Variants in IL18BP observed in about 807,000 individuals in gnomAD.
IL18BP encodes the protein interleukin 18 binding protein.
A neutral mutation model predicts 19.9 loss-of-function variants in IL18BP; 23 were observed. That is an observed-to-expected ratio of 1.15 (90% confidence interval 0.83 to 1.64). IL18BP has a LOEUF of 1.64. Ranked by LOEUF, IL18BP falls within the 40% of genes most tolerant of loss-of-function variation. The pLI is 0.00. For missense variants in IL18BP, 239 were observed against 240.7 expected, an observed-to-expected ratio of 0.99 and a Z score of 0.05; for synonymous variants, 107 against 101.0, an observed-to-expected ratio of 1.06 and a Z score of -0.35.
downstream of IL18BP, chr11:72,002,912 G>A (rs779520414): frequency 1.7e-5 from 4 of 230,794 alleles, no homozygotes; most frequent in Admixed American, 5.7e-5. Flanking sequence ...ATTTAGAAAA[G>A]ATCCATCCCC....
chr11:72,003,867 C>A (rs767293287), downstream of IL18BP: 3 of 1,612,110 alleles, frequency 1.9e-6, no homozygotes, highest in South Asian at 1.1e-5. Flanking sequence ...TTCCCTCCCC[C>A]ATCCTGCCAG....
downstream of IL18BP, chr11:72,005,355 A>G: frequency 6.2e-7 from 1 of 1,608,062 alleles, no homozygotes; most frequent in Non-Finnish European, 8.5e-7. Context: ...GTGCCCATGT[A>G]GAAGCTGTTC....
intron 5 of IL18BP, 59 bp from the exon 6 acceptor site, chr11:72,001,723 CAA>C: frequency 6.2e-7 from 1 of 1,613,080 alleles, no homozygotes; most frequent in Non-Finnish European, 8.5e-7. Context: ...TAGCCTGGGG[CAA>C]AGTGATGAGA....
At chr11:72,001,618 GGGT>G in intron 5 of IL18BP, 66 bp downstream of exon 5, 1 of 1,589,668 alleles carries the variant, frequency 6.3e-7, no homozygotes, top group African/African-American at 1.3e-5. Context: ...GGGGAGGAAA[GGGT>G]GGGCTCTGCC....
At chr11:72,004,955 GCCTCCTTT>G (rs1375872620), downstream of IL18BP, 8 of 903,710 alleles carry the variant, frequency 8.9e-6, no homozygotes, top group Non-Finnish European at 1.3e-5. Context: ...AAGACACAAG[GCCTCCTTT>G]CCTGTTCTGC....
At chr11:72,006,075 A>C, downstream of IL18BP, 1 of 1,613,962 alleles carries the variant, frequency 6.2e-7, no homozygotes, top group Non-Finnish European at 8.5e-7. Context: ...GGGAACGACG[A>C]GCAGAACTGC....
chr11:72,000,916 C>T lies in IL18BP; in HGVS notation c.236-285C>T, dbSNP rs536127878. On this transcript the variant is annotated intron_variant, in intron 3 of 5. Coordinates refer to ENST00000393703, the MANE Select transcript of IL18BP (RefSeq NM_001039660.2). Reference sequence around the variant, plus strand: ...GCCTTTGTCACCTGGGCTCCCAAGTCACCGAGGCTGGGCACTAGAAAAGGT... The same window carrying T: ...GCCTTTGTCACCTGGGCTCCCAAGTTACCGAGGCTGGGCACTAGAAAAGGT... 4.7e-4 allele frequency among the ~76,000 whole-genome samples: 72 copies of T among 152,316 alleles called. 1 individual carries two copies. The highest frequency in any genetic ancestry group is 2.4e-4 in the Non-Finnish European group (16 of 68,020).
chr11:72,000,004 G>A lies in IL18BP; in HGVS notation c.20G>A (p.Trp7Ter). The change falls in exon 2 of 6, where the codon TGG (tryptophan) becomes TAG (stop). Residue 7 changes from tryptophan to a stop codon, truncating the protein, a stop_gained. Transcript: ENST00000393703. LOFTEE classifies it high-confidence loss of function. The part of the protein sequence containing the change: MTMRHN[W>*]TPDLSPLWVL... ...TGCATCATGACCATGAGACACAACT[G>A]GACACCAGGTAGGCCTTGGGGCTAC... 1 of 1,613,924 alleles carries A rather than the reference G, an allele frequency of 6.2e-7. No homozygotes were observed. The highest frequency in any genetic ancestry group is 8.5e-7 in the Non-Finnish European group (1 of 1,179,822).
chr11:72,007,680 C>T, downstream of IL18BP: 1 of 556,470 alleles, frequency 1.8e-6, no homozygotes, highest in East Asian at 3.2e-5. Context: ...CCCATCCCCA[C>T]CAGATGCCCA....
Position 72,001,201 on chromosome 11 carries a change from A to C in IL18BP, c.236A>C (p.Asn79Thr), listed in dbSNP as rs1160812312. Residue 79 changes from asparagine (N) to threonine (T), a missense_variant and splice_region_variant, in exon 4 of 6, where the codon AAT (asparagine) becomes ACT (threonine). Physicochemically the swap from Asn to Thr is moderately conservative, Grantham distance 65. Transcript: ENST00000393703. ...VTWPEVEVPL[N>T]GTLSLSCVAC... is the part of the protein sequence containing the mutation. ...AGCTAACTGCTGCCTGTGTCCCTAG[A>C]TGGAACGCTGAGCTTATCCTGTGTG... is the stretch of plus-strand genomic sequence containing the variant. The C allele has an allele frequency of 6.2e-7, 1 of 1,614,112 alleles. No homozygotes were observed. Among genetic ancestry groups the C allele is most frequent in the Admixed American group, 1.7e-5 (1 of 60,024 alleles).
At chr11:72,003,783 A>G, downstream of IL18BP, 1 of 1,255,258 alleles carries the variant, frequency 8.0e-7, no homozygotes, top group Non-Finnish European at 1.1e-6. Flanking sequence ...CACACCCTCC[A>G]GCAGCCTGGC....
chr11:72,005,920 G>A (rs1166108968), downstream of IL18BP: 4 of 856,094 alleles, frequency 4.7e-6, no homozygotes, highest in Non-Finnish European at 7.4e-6. Context: ...GGTGGAGCTG[G>A]ATGGTAGCAA....
Position 72,001,847 on chromosome 11 carries a change from C to T in IL18BP, c.571C>T (p.Gln191Ter). Residue 191 changes from glutamine (Q) to a stop codon, truncating the protein, a stop_gained, in exon 6 of 6, where the codon CAG (glutamine) becomes TAG (stop). Coordinates refer to ENST00000393703, the MANE Select transcript of IL18BP (RefSeq NM_001039660.2). LOFTEE classifies it high-confidence loss of function. The stretch of plus-strand genomic sequence containing the variant: ...CCTGCCCTCCAGCCACAGCAGTCCA[C>T]AGCAGCAGGGTTAAGACTCAGCACA... ...EALPSSHSSP[Q>*]QQG 6.2e-7 allele frequency: 1 copy of T among 1,614,198 alleles called. No homozygotes were observed. Among genetic ancestry groups the T allele is most frequent in the South Asian group, 1.1e-5 (1 of 91,090 alleles).
downstream of IL18BP, chr11:72,003,703 T>C (rs1170445545): frequency 5.6e-5 from 57 of 1,012,714 alleles, no homozygotes; most frequent in Non-Finnish European, 7.2e-5. Flanking sequence ...CTGGGTGCTC[T>C]CCATGAGAAT....
At chr11:72,004,618 A>G (rs776309652), downstream of IL18BP, 3 of 1,607,854 alleles carry the variant, frequency 1.9e-6, no homozygotes, top group African/African-American at 1.3e-5. Context: ...CTGGAGTAAC[A>G]CCCAGGAGCC....
At chr11:72,003,753 G>T, downstream of IL18BP, 1 of 1,052,584 alleles carries the variant, frequency 9.5e-7, no homozygotes, top group Non-Finnish European at 1.4e-6. Flanking sequence ...GAGCTACCAG[G>T]ACAGGGACAC....
downstream of IL18BP, chr11:72,005,716 A>T: frequency 2.0e-6 from 1 of 496,826 alleles, no homozygotes. Context: ...AGAGCTTCCA[A>T]GAAGAGTCTG....
downstream of IL18BP, chr11:72,005,443 A>C: frequency 6.8e-7 from 1 of 1,471,146 alleles, no homozygotes; most frequent in Non-Finnish European, 9.3e-7. Context: ...GCATCTTGCC[A>C]GCCTTTGCTG....
At chr11:72,006,155 C>G (rs1565188168), downstream of IL18BP, 1 of 1,614,062 alleles carries the variant, frequency 6.2e-7, no homozygotes, top group African/African-American at 1.3e-5. Flanking sequence ...CCCAGGCGAG[C>G]TAGAGACTGA....
Sources: gnomAD v4.1 joint callset for allele counts (sites outside exome capture counted in the v4.1 genomes callset) on GRCh38, gnomAD v4.1.1 for gene constraint, MANE v1.5 for transcripts, NCBI Gene and HGNC (gene_info 2026-07-23, HGNC 2026-07-21) for gene names.